The following ADRA1B variants were observed in gnomAD, a reference collection of about 807,000 sequenced individuals.
ADRA1B encodes the protein adrenoceptor alpha 1B, also known as alpha-1B adrenergic receptor.
Under a neutral mutation model 17.9 loss-of-function variants are expected in ADRA1B, and 17 were observed. The observed-to-expected ratio is 0.95, with a 90% confidence interval of 0.65 to 1.42. The LOEUF (loss-of-function observed/expected upper bound fraction) is 1.42. ADRA1B is among the 40% of genes most tolerant of loss of function. ADRA1B has a pLI of 0.00. For missense variants in ADRA1B, 681 were observed against 722.1 expected (o/e 0.94, Z 0.65); for synonymous variants, 366 against 327.6 (o/e 1.12, Z -1.27).
intron 1 of ADRA1B, chr5:159,951,415 C>T (rs1318201524): frequency 1.2e-6 from 1 of 802,256 alleles, no homozygotes; most frequent in Admixed American, 1.7e-5. Context: ...CAACAATATC[C>T]ACTTTACTAG....
chr5:159,878,321 G>T (rs10056776), intron 1 of ADRA1B, among the ~76,000 whole-genome samples: 6 of 151,962 alleles, frequency 3.9e-5, no homozygotes, highest in Non-Finnish European at 7.4e-5. Flanking sequence ...TCCAGTTCAA[G>T]GGGCCTCCTG....
intron 1 of ADRA1B, chr5:159,947,782 G>A (rs764510780): frequency 1.5e-5 from 15 of 985,378 alleles, no homozygotes; most frequent in Non-Finnish European, 1.8e-5. Context: ...CTCCAGCCTA[G>A]AGTCTGGCCA....
At chr5:159,897,437 G>A (rs1754051301) in intron 1 of ADRA1B, among the ~76,000 whole-genome samples, 1 of 151,682 alleles carries the variant, frequency 6.6e-6, no homozygotes, top group African/African-American at 2.4e-5. Flanking sequence ...AGTGAGCAGA[G>A]ATCACGCCAC....
chr5:159,923,025 A>T (rs943422953), intron 1 of ADRA1B, among the ~76,000 whole-genome samples: 5 of 152,256 alleles, frequency 3.3e-5, no homozygotes, highest in Admixed American at 6.5e-5. Flanking sequence ...AACGGTTTGG[A>T]GAAGCTAATT....
chr5:159,962,326 G>T (rs1481115820), intron 1 of ADRA1B, among the ~76,000 whole-genome samples: 4 of 152,184 alleles, frequency 2.6e-5, no homozygotes, highest in Admixed American at 2.6e-4. Flanking sequence ...AATAACAAAA[G>T]ATTTCATTTA....
At chr5:159,939,332 C>T (rs1372102640) in intron 1 of ADRA1B, among the ~76,000 whole-genome samples, 3 of 120,484 alleles carry the variant, frequency 2.5e-5, no homozygotes, top group African/African-American at 5.4e-5. Context: ...TGCGCGCGCG[C>T]GCGCACACAA....
chr5:159,888,081 C>T (rs1753944811), intron 1 of ADRA1B: 1 of 152,094 alleles, frequency 6.6e-6, no homozygotes, highest in South Asian at 2.1e-4. Flanking sequence ...CAAGACTTGC[C>T]CAAGGTTGCA....
At chr5:159,980,590 C>T in the ADRA1B span, among the ~76,000 whole-genome samples, 7 of 152,150 alleles carry the variant, frequency 4.6e-5, no homozygotes, top group Admixed American at 3.3e-4. Context: ...TATGTGGTCC[C>T]AGACAGGTGA....
downstream of ADRA1B, among the ~76,000 whole-genome samples, chr5:159,973,695 G>C (rs150215478): frequency 2.4e-3 from 371 of 152,316 alleles, 2 homozygotes; most frequent in African/African-American, 7.5e-3. Context: ...CACACAGAAA[G>C]GTGGAGCATT....
chr5:159,947,068 C>T (rs185112100), intron 1 of ADRA1B, among the ~76,000 whole-genome samples: 12 of 152,244 alleles, frequency 7.9e-5, no homozygotes, highest in Admixed American at 2.6e-4. Context: ...TAGCTGGGTG[C>T]GGTGGCTCAC....
intron 1 of ADRA1B, among the ~76,000 whole-genome samples, chr5:159,949,772 G>A (rs1479851762): frequency 2.6e-5 from 4 of 152,198 alleles, no homozygotes; most frequent in East Asian, 1.9e-4. Context: ...TGGACCGGCC[G>A]GCACCAGCCT....
intron 1 of ADRA1B, among the ~76,000 whole-genome samples, chr5:159,878,204 G>A (rs779059650): frequency 1.3e-5 from 2 of 152,204 alleles, no homozygotes; most frequent in Admixed American, 6.5e-5. Context: ...GAGATGAGCA[G>A]CAGCTGTTAC....
At chr5:159,924,539 C>T (rs534082438) in intron 1 of ADRA1B, among the ~76,000 whole-genome samples, 8 of 152,070 alleles carry the variant, frequency 5.3e-5, no homozygotes, top group Admixed American at 3.3e-4. Context: ...ATGTGAGATT[C>T]GGAGATCTGG....
chr5:159,982,850 G>A, the ADRA1B span, among the ~76,000 whole-genome samples: 1 of 152,176 alleles, frequency 6.6e-6, no homozygotes, highest in Non-Finnish European at 1.5e-5. Flanking sequence ...GGGAAAGGAT[G>A]GGTGGGGGCA....
chr5:159,959,816 A>T (rs1384782913), intron 1 of ADRA1B, among the ~76,000 whole-genome samples: 1 of 151,972 alleles, frequency 6.6e-6, no homozygotes, highest in African/African-American at 2.4e-5. Flanking sequence ...TGTAAAAAAA[A>T]AAAAACCATT....
At chr5:159,950,203 C>T (rs568045711) in intron 1 of ADRA1B, among the ~76,000 whole-genome samples, 6 of 152,218 alleles carry the variant, frequency 3.9e-5, no homozygotes, top group Non-Finnish European at 8.8e-5. Flanking sequence ...CTGGTTCCAG[C>T]TTGCAAGGAA....
chr5:159,874,330 A>C (rs1023004149), intron 1 of ADRA1B, among the ~76,000 whole-genome samples: 3 of 152,022 alleles, frequency 2.0e-5, no homozygotes, highest in African/African-American at 4.8e-5. Context: ...TAAATTCCTT[A>C]TTTTCTTGGC....
At chr5:159,945,752 GTTT>G (rs70987985) in intron 1 of ADRA1B, among the ~76,000 whole-genome samples, 7 of 145,300 alleles carry the variant, frequency 4.8e-5, no homozygotes, top group Non-Finnish European at 7.6e-5. Context: ...TTGTTTGTTT[GTTT>G]TTTTTTTTTT....
chr5:159,907,690 C>T (rs1754176340), intron 1 of ADRA1B, among the ~76,000 whole-genome samples: 1 of 152,172 alleles, frequency 6.6e-6, no homozygotes, highest in Admixed American at 6.5e-5. Flanking sequence ...GTGCCAGGCA[C>T]AGTTCCATTT....
Sources: allele counts gnomAD v4.1 joint callset (sites outside exome capture counted in the v4.1 genomes callset), GRCh38; gene constraint gnomAD v4.1.1; transcripts MANE v1.5; gene names NCBI Gene and HGNC (gene_info 2026-07-23, HGNC 2026-07-21).